CWF19L2: variants seen among roughly 807,000 people sequenced by gnomAD.
The protein encoded by CWF19L2 is CWF19-like protein 2.
CWF19L2 carries 98 observed loss-of-function variants against 111.7 expected under a neutral mutation model. The ratio of observed to expected loss-of-function variants is 0.88; its 90% CI spans 0.75 to 1.04. CWF19L2 has a LOEUF of 1.04. Ranked by LOEUF, CWF19L2 falls within the 50% of genes least tolerant of loss-of-function variation. The pLI, the probability that CWF19L2 is intolerant of heterozygous loss-of-function variation, is 0.00. For missense variants in CWF19L2, 1,101 were observed against 1,051.4 expected (o/e 1.05, Z -0.65); for synonymous variants, 351 against 342.9 (o/e 1.02, Z -0.26).
At chr11:107,355,506 T>C (rs1435370835) in intron 12 of CWF19L2, among the ~76,000 whole-genome samples, 1 of 151,884 alleles carries the variant, frequency 6.6e-6, no homozygotes, top group Non-Finnish European at 1.5e-5. Context: ...AAAAAGATGC[T>C]TGGATGTTAG....
At position 107,371,272 on chromosome 11, in the gene CWF19L2, G is replaced by C. The variant is rs947536522; in HGVS notation, c.1873-17536C>G. ...CCCGCCTCGGCCTCCCAAAGTGCTG[G>C]GATTACAGGCGTGAGCCACCACGCC... On this transcript the variant is annotated intron_variant, in intron 12 of 17. Transcript: ENST00000282251. Among the ~76,000 whole-genome samples, 2 of 137,004 alleles carry C rather than the reference G, an allele frequency of 1.5e-5. 1 individual carries two copies. Among genetic ancestry groups the C allele is most frequent in the Non-Finnish European group, 3.1e-5 (2 of 64,056 alleles). The allele number at this position is 137,004 out of a possible 152,430, so 89.9% of individuals were successfully genotyped here.
chr11:107,395,711 C>T (rs1486116673), intron 10 of CWF19L2, among the ~76,000 whole-genome samples: 2 of 152,138 alleles, frequency 1.3e-5, no homozygotes, highest in Admixed American at 1.3e-4. Flanking sequence ...CTGCGTGGAA[C>T]AATTATCCCT....
intron 4 of CWF19L2, 74 bp from the exon 5 acceptor site, chr11:107,441,696 A>T: frequency 7.4e-7 from 1 of 1,356,176 alleles, no homozygotes; most frequent in Non-Finnish European, 9.5e-7. Flanking sequence ...GAATTTAATA[A>T]ACACTTGGTA....
At chr11:107,418,397 A>G (rs1442797471) in intron 8 of CWF19L2, 110 bp from the exon 9 acceptor site, 4 of 715,860 alleles carry the variant, frequency 5.6e-6, no homozygotes, top group Middle Eastern at 2.3e-4. Flanking sequence ...TTCAGTACCA[A>G]TAGCAGATCA....
In CWF19L2 at chr11:107,429,229, C is replaced by T. The variant is rs747460565; in HGVS notation, c.1003G>A (p.Asp335Asn). 3 of 1,612,556 alleles carry T rather than the reference C, an allele frequency of 1.9e-6. No individual in the cohort carries two copies. Among genetic ancestry groups the T allele is most frequent in the South Asian group, 2.2e-5 (2 of 90,656 alleles). The change falls in exon 8 of 18, where the codon GAT becomes AAT. Residue 335 changes from aspartate to asparagine, a missense_variant. Coordinates refer to ENST00000282251, the MANE Select transcript of CWF19L2 (RefSeq NM_152434.3). ...GACCCAGGTCTCTTATCTTTTTCAT[C>T]ACCAATAAATTTTTCATTATTGCTA... is the stretch of plus-strand genomic sequence containing the variant. ...KNSNNEKFIG[D>N]EKDKRPGSLE...
At position 107,390,236 on chromosome 11, in the gene CWF19L2, T is replaced by G. The variant is rs601236; in HGVS notation, c.1735-25A>C. Reference sequence around the variant, plus strand: ...CCTATGACAAAATGAACATTATTAATTTAATGAAAACATGAGTCTCTGAAG... The same window carrying G: ...CCTATGACAAAATGAACATTATTAAGTTAATGAAAACATGAGTCTCTGAAG... On this transcript the variant is annotated intron_variant, in intron 11 of 17. Transcript: ENST00000282251. 3.0e-3 allele frequency: 4,613 copies of G among 1,550,932 alleles called. 118 individuals are homozygous for G. The African/African-American group carries it at 0.057, about 19-fold the overall frequency.
Position 107,400,309 on chromosome 11 carries a change from T to C in CWF19L2, c.1618-7414A>G, listed in dbSNP as rs115583065. On this transcript the variant is annotated intron_variant, in intron 10 of 17. Transcript: ENST00000282251. ...GGTTCTTCAAAAAGATAAATAAAAT[T>C]GATACACTATTAGCAATATTAACCA... Among the ~76,000 whole-genome samples, 1,345 of 151,220 alleles carry C rather than the reference T, an allele frequency of 8.9e-3. 17 individuals carry two copies. The highest frequency in any genetic ancestry group is 0.031 in the African/African-American group (1,279 of 41,198).
intron 10 of CWF19L2, chr11:107,403,897 T>C (rs1471539801): frequency 2.2e-5 from 18 of 802,614 alleles, no homozygotes; most frequent in Non-Finnish European, 3.3e-5. Context: ...GAAGTTCAGC[T>C]TCTAGTTTTC....
At chr11:107,385,823 G>A (rs1418594291) in intron 12 of CWF19L2, among the ~76,000 whole-genome samples, 1 of 152,218 alleles carries the variant, frequency 6.6e-6, no homozygotes, top group East Asian at 1.9e-4. Context: ...CTACCTGTCT[G>A]TCTATTTAGT....
chr11:107,433,516 G>C, intron 7 of CWF19L2, 118 bp downstream of exon 7: 2 of 361,080 alleles, frequency 5.5e-6, no homozygotes, highest in Non-Finnish European at 1.0e-5. Context: ...AATTACTTCA[G>C]TAGTATAAAG....
At chr11:107,451,061 A>T (rs1861771199) in intron 3 of CWF19L2, among the ~76,000 whole-genome samples, 2 of 152,190 alleles carry the variant, frequency 1.3e-5, no homozygotes, top group Non-Finnish European at 2.9e-5. Context: ...TTTCAAATAC[A>T]TATGGAATTT....
In CWF19L2 at chr11:107,363,016, C is replaced by T. The variant is rs529715242; in HGVS notation, c.1873-9280G>A. Among the ~76,000 whole-genome samples the T allele has an allele frequency of 1.7e-3, 251 of 152,046 alleles. 1 individual carries two copies. The highest frequency in any genetic ancestry group is 2.1e-3 in the Non-Finnish European group (143 of 68,002). ...GCTGAAAACCAAGGCTCGAGAACTA[C>T]GTGAAGAATGCAGAAGCCTCAGGAG... On this transcript the variant is annotated intron_variant, in intron 12 of 17. Coordinates refer to ENST00000282251, the MANE Select transcript of CWF19L2 (RefSeq NM_152434.3).
At chr11:107,339,140 C>G (rs1248785009) in intron 14 of CWF19L2, among the ~76,000 whole-genome samples, 2 of 152,106 alleles carry the variant, frequency 1.3e-5, no homozygotes, top group African/African-American at 4.8e-5. Context: ...CTCTGGAGAT[C>G]CACCCAGGTT....
chr11:107,405,028 T>C (rs1182675163), intron 10 of CWF19L2, among the ~76,000 whole-genome samples: 2 of 152,232 alleles, frequency 1.3e-5, no homozygotes, highest in East Asian at 3.8e-4. Flanking sequence ...CAACAACCTA[T>C]GGGCCACAGG....
chr11:107,417,389 T>C (rs1463766894), intron 9 of CWF19L2, among the ~76,000 whole-genome samples: 1 of 152,176 alleles, frequency 6.6e-6, no homozygotes, highest in African/African-American at 2.4e-5. Context: ...TAAATTAGTC[T>C]TAAATCAAAC....
intron 5 of CWF19L2, among the ~76,000 whole-genome samples, chr11:107,441,256 T>C (rs1861615149): frequency 6.6e-6 from 1 of 152,188 alleles, no homozygotes; most frequent in East Asian, 1.9e-4. Flanking sequence ...TTTAATGATA[T>C]TAAACTCAAT....
chr11:107,369,878 T>G lies in CWF19L2; in HGVS notation c.1873-16142A>C, dbSNP rs532632366. ...CTACATGAAATATAATATTACCTAGTTCTTTTACAAATAATTAAAACTAAC... is the reference window on the plus strand; with the variant it reads ...CTACATGAAATATAATATTACCTAGGTCTTTTACAAATAATTAAAACTAAC... On this transcript the variant is annotated intron_variant, in intron 12 of 17. Coordinates refer to ENST00000282251, the MANE Select transcript of CWF19L2 (RefSeq NM_152434.3). Among the ~76,000 whole-genome samples, 21 of 138,648 alleles carry G rather than the reference T, an allele frequency of 1.5e-4. 6 individuals carry two copies. The highest frequency in any genetic ancestry group is 6.0e-4 in the African/African-American group (21 of 35,060). The allele number at this position is 138,648 out of a possible 152,430, so 91.0% of individuals were successfully genotyped here.
intron 8 of CWF19L2, among the ~76,000 whole-genome samples, chr11:107,419,271 C>G (rs1179709786): frequency 1.3e-5 from 2 of 152,174 alleles, no homozygotes; most frequent in Non-Finnish European, 2.9e-5. Context: ...AGACTAAATG[C>G]TGCTCTGGGC....
intron 17 of CWF19L2, among the ~76,000 whole-genome samples, chr11:107,327,869 C>T (rs988383756): frequency 3.9e-5 from 6 of 152,110 alleles, no homozygotes; most frequent in African/African-American, 1.4e-4. Context: ...TCTGCATAGT[C>T]GGTCTAGCTC....
Sources: allele counts gnomAD v4.1 joint callset (sites outside exome capture counted in the v4.1 genomes callset), GRCh38; gene constraint gnomAD v4.1.1; transcripts MANE v1.5; gene names NCBI Gene and HGNC (gene_info 2026-07-23, HGNC 2026-07-21).